The following PLCE1 variants were observed in gnomAD, a reference collection of about 807,000 sequenced individuals.
PLCE1 encodes 1-phosphatidylinositol 4,5-bisphosphate phosphodiesterase epsilon-1.
A neutral mutation model predicts 242.8 loss-of-function variants in PLCE1; 119 were observed. That is an observed-to-expected ratio of 0.49 (90% CI 0.42 to 0.57). The LOEUF is 0.57. Among genes scored for constraint, PLCE1 ranks in the 20% least tolerant of loss-of-function variants. The pLI is 0.00. For synonymous variants in PLCE1, 945 were observed against 1,017.4 expected, an observed-to-expected ratio of 0.93 and a Z score of 1.35; for missense variants, 2,441 against 2,788.8, an observed-to-expected ratio of 0.88 and a Z score of 2.81.
chr10:94,194,278 C>T (rs1380650762), intron 4 of PLCE1, among the ~76,000 whole-genome samples: 3 of 152,238 alleles, frequency 2.0e-5, no homozygotes, highest in Non-Finnish European at 2.9e-5. Context: ...CAACTATTAA[C>T]AAATGGTTAC....
intron 4 of PLCE1, 45 bp from the exon 5 acceptor site, chr10:94,227,260 AG>A: frequency 6.2e-7 from 1 of 1,600,856 alleles, no homozygotes; most frequent in Non-Finnish European, 8.6e-7. Context: ...AAAATTGCCA[AG>A]CTTCTAGGAC....
chr10:94,232,362 C>G (rs1333038265), intron 5 of PLCE1, among the ~76,000 whole-genome samples: 1 of 152,186 alleles, frequency 6.6e-6, no homozygotes, highest in Non-Finnish European at 1.5e-5. Flanking sequence ...CCCAACCAGT[C>G]TCAGAGACTT....
intron 5 of PLCE1, among the ~76,000 whole-genome samples, chr10:94,229,652 C>G (rs1389870833): frequency 6.6e-6 from 1 of 152,202 alleles, no homozygotes; most frequent in East Asian, 1.9e-4. Flanking sequence ...CTATGGAGGC[C>G]TAGAGTGAAT....
chr10:94,222,478 G>T (rs2049787215), intron 4 of PLCE1, among the ~76,000 whole-genome samples: 1 of 152,202 alleles, frequency 6.6e-6, no homozygotes, highest in Admixed American at 6.5e-5. Flanking sequence ...CCTTAATGAG[G>T]ATCACAGCAC....
At chr10:94,110,601 A>G (rs1372993535) in intron 2 of PLCE1, among the ~76,000 whole-genome samples, 1 of 152,262 alleles carries the variant, frequency 6.6e-6, no homozygotes, top group Non-Finnish European at 1.5e-5. Context: ...TTAATACATT[A>G]TGTAGAAAAG....
At chr10:94,269,745 ATAGT>A (rs1166453224) in intron 17 of PLCE1, among the ~76,000 whole-genome samples, 1 of 152,230 alleles carries the variant, frequency 6.6e-6, no homozygotes, top group Non-Finnish European at 1.5e-5. Flanking sequence ...AGATGGTTAA[ATAGT>A]TAGCATTATA....
chr10:94,035,283 G>A (rs546540204), intron 2 of PLCE1, among the ~76,000 whole-genome samples: 3 of 152,288 alleles, frequency 2.0e-5, no homozygotes, highest in South Asian at 2.1e-4. Flanking sequence ...CCCTATGAGG[G>A]TTGTGAATCG....
At chr10:94,110,732 T>C (rs1217149197) in intron 2 of PLCE1, among the ~76,000 whole-genome samples, 1 of 152,202 alleles carries the variant, frequency 6.6e-6, no homozygotes, top group Non-Finnish European at 1.5e-5. Context: ...AAGCAAGAAT[T>C]TTGAAAATTG....
At chr10:94,284,263 G>A (rs557216652) in intron 21 of PLCE1, among the ~76,000 whole-genome samples, 12 of 152,342 alleles carry the variant, frequency 7.9e-5, no homozygotes, top group African/African-American at 2.9e-4. Flanking sequence ...TCTCAGGGAA[G>A]ATGAGGTTTC....
intron 4 of PLCE1, among the ~76,000 whole-genome samples, chr10:94,185,244 T>C (rs2048437165): frequency 6.6e-6 from 1 of 152,232 alleles, no homozygotes; most frequent in Admixed American, 6.5e-5. Flanking sequence ...ACGCCTGTAA[T>C]AACCAGCATT....
chr10:94,246,003 A>T lies in PLCE1; in HGVS notation c.2478A>T (p.Glu826Asp). The change falls in exon 8 of 33, where the codon GAA (glutamate) becomes GAT (aspartate). Residue 826 changes from glutamate (E) to aspartate (D), a missense_variant. By Grantham distance (45) the Glu-to-Asp change is conservative (BLOSUM62 2). Transcript: ENST00000371380. ...SDNDIFEQSK[E>D]YDSHGSEDSQ... Reference sequence around the variant, plus strand: ...ATGACATCTTTGAGCAATCCAAAGAATACGACTCTCATGGTTCAGAGGACT... The same window carrying T: ...ATGACATCTTTGAGCAATCCAAAGATTACGACTCTCATGGTTCAGAGGACT... 6.2e-7 allele frequency: 1 copy of T among 1,614,138 alleles called. No homozygotes were observed. The highest frequency in any genetic ancestry group is 8.5e-7 in the Non-Finnish European group (1 of 1,179,988).
intron 4 of PLCE1, among the ~76,000 whole-genome samples, chr10:94,199,398 T>TC (rs2048923416): frequency 6.6e-6 from 1 of 152,152 alleles, no homozygotes; most frequent in Non-Finnish European, 1.5e-5. Context: ...GGGACAGAAG[T>TC]CCCTACCCTA....
At chr10:94,100,858 G>T (rs575811075) in intron 2 of PLCE1, among the ~76,000 whole-genome samples, 96 of 152,304 alleles carry the variant, frequency 6.3e-4, no homozygotes, top group African/African-American at 2.3e-3. Context: ...ACAAGTTTCT[G>T]CAGGGGCCAC....
chr10:94,164,155 T>C (rs563249088), intron 3 of PLCE1, among the ~76,000 whole-genome samples: 1 of 152,254 alleles, frequency 6.6e-6, no homozygotes, highest in South Asian at 2.1e-4. Context: ...TCGAGGAGTA[T>C]CTTTGTGGCA....
intron 30 of PLCE1, among the ~76,000 whole-genome samples, chr10:94,323,135 A>ACC (rs1413840801): frequency 6.6e-6 from 1 of 152,172 alleles, no homozygotes; most frequent in East Asian, 1.9e-4. Flanking sequence ...GTAGGTACTG[A>ACC]CCATCTCTCA....
chr10:94,048,688 TAA>T (rs1462272203), intron 2 of PLCE1, among the ~76,000 whole-genome samples: 193 of 144,826 alleles, frequency 1.3e-3, no homozygotes, highest in African/African-American at 3.7e-3. Context: ...AATATATTTA[TAA>T]ATAATATAAA....
intron 2 of PLCE1, among the ~76,000 whole-genome samples, chr10:94,052,635 C>CT (rs1219599070): frequency 6.6e-6 from 1 of 151,974 alleles, no homozygotes; most frequent in African/African-American, 2.4e-5. Context: ...TCTTTTCTTT[C>CT]TTTCTTTTTC....
intron 2 of PLCE1, among the ~76,000 whole-genome samples, chr10:94,073,217 C>A (rs1201698964): frequency 1.3e-5 from 2 of 151,902 alleles, no homozygotes; most frequent in Non-Finnish European, 2.9e-5. Flanking sequence ...CATTCTGGCA[C>A]ATACATTGTT....
At chr10:94,272,589 G>T (rs1166705143) in intron 18 of PLCE1, among the ~76,000 whole-genome samples, 1 of 152,164 alleles carries the variant, frequency 6.6e-6, no homozygotes, top group African/African-American at 2.4e-5. Flanking sequence ...GTAAAGACAG[G>T]CATAAGAAAT....
Sources: allele counts gnomAD v4.1 joint callset (sites outside exome capture counted in the v4.1 genomes callset), GRCh38; gene constraint gnomAD v4.1.1; transcripts MANE v1.5; gene names NCBI Gene and HGNC (gene_info 2026-07-23, HGNC 2026-07-21).